The following PARVA variants were observed in gnomAD, a reference collection of about 807,000 sequenced individuals.
The protein encoded by PARVA is alpha-parvin.
In PARVA, 25 loss-of-function variants were observed where a neutral mutation model predicts 52.6. The observed-to-expected ratio is 0.48, with a 90% CI of 0.35 to 0.66. The LOEUF (loss-of-function observed/expected upper bound fraction) is 0.66, where lower values mean the gene tolerates loss of function less well. Ranked by LOEUF, PARVA falls within the 30% of genes least tolerant of loss-of-function variation. The pLI, the probability that PARVA is intolerant of heterozygous loss-of-function variation, is 0.01. For synonymous variants in PARVA, 185 were observed against 179.1 expected, an observed-to-expected ratio of 1.03 and a Z score of -0.26; for missense variants, 373 against 450.9, an observed-to-expected ratio of 0.83 and a Z score of 1.56.
At chr11:12,388,247 A>T (rs887188671) in intron 1 of PARVA, among the ~76,000 whole-genome samples, 1 of 152,218 alleles carries the variant, frequency 6.6e-6, no homozygotes, top group African/African-American at 2.4e-5. Flanking sequence ...CAGGCCTGGG[A>T]CAAATGTTAG....
intron 7 of PARVA, among the ~76,000 whole-genome samples, chr11:12,510,517 G>A (rs571835985): frequency 1.3e-5 from 2 of 152,292 alleles, no homozygotes; most frequent in African/African-American, 2.4e-5. Flanking sequence ...CAAAGTCACT[G>A]TATGAGTTTT....
chr11:12,395,604 G>C (rs1345802128), intron 1 of PARVA, among the ~76,000 whole-genome samples: 1 of 152,226 alleles, frequency 6.6e-6, no homozygotes, highest in African/African-American at 2.4e-5. Flanking sequence ...TGCTTGAAAG[G>C]TACGGTGCGG....
intron 10 of PARVA, among the ~76,000 whole-genome samples, chr11:12,514,442 G>T (rs933567575): frequency 2.0e-5 from 3 of 152,182 alleles, no homozygotes; most frequent in African/African-American, 7.2e-5. Flanking sequence ...AATCTGTTTA[G>T]ATTGAATCAT....
chr11:12,511,501 C>CT lies in PARVA; in HGVS notation c.717-8dup. 2.5e-6 allele frequency: 4 copies of CT among 1,612,416 alleles called. No homozygotes were observed. The highest frequency in any genetic ancestry group is 3.4e-6 in the Non-Finnish European group (4 of 1,179,238). On this transcript the variant is annotated splice_polypyrimidine_tract_variant and intron_variant, in intron 7 of 12. Transcript: ENST00000334956. ...AGAAGAGTCACACTATTTTCTTTCT[C>CT]TTTTTCCTCCAGGGCTCTTTCCGGG...
chr11:12,473,890 C>T (rs754341402), intron 2 of PARVA, 23 bp from the exon 3 acceptor site: 2 of 1,566,248 alleles, frequency 1.3e-6, no homozygotes, highest in South Asian at 1.2e-5. Flanking sequence ...AGCACCCCCA[C>T]TGAATTCCTT....
chr11:12,415,400 A>G (rs759679222), intron 1 of PARVA, among the ~76,000 whole-genome samples: 2 of 152,168 alleles, frequency 1.3e-5, no homozygotes, highest in African/African-American at 4.8e-5. Flanking sequence ...TTTAAGACAT[A>G]CCAACCACTT....
At chr11:12,438,259 C>CAAA (rs1222652970) in intron 1 of PARVA, among the ~76,000 whole-genome samples, 1 of 100,508 alleles carries the variant, frequency 9.9e-6, no homozygotes, top group Non-Finnish European at 2.1e-5. Flanking sequence ...GACTGCATCT[C>CAAA]AAAAAAAAAA....
At chr11:12,379,604 A>G (rs1336927727) in intron 1 of PARVA, among the ~76,000 whole-genome samples, 2 of 151,264 alleles carry the variant, frequency 1.3e-5, no homozygotes, top group Non-Finnish European at 2.9e-5. Flanking sequence ...TGCTCCATGA[A>G]TTAGAAATAA....
rs11022333 is a variant in PARVA at position 12,383,893 on chromosome 11, G to A, written c.136+6110G>A. ...CAAACCTGCATTGTTCAAGGGGCAC[G>A]CCTTGAACAATGGCACCCATGTTGT... On this transcript the variant is annotated intron_variant, in intron 1 of 12. Coordinates refer to ENST00000334956, the MANE Select transcript of PARVA (RefSeq NM_018222.5). Among the ~76,000 whole-genome samples, 11 of 152,116 alleles carry A rather than the reference G, an allele frequency of 7.2e-5. No individual in the cohort carries two copies. In the South Asian group the frequency reaches 1.7e-3, roughly 23 times the overall value.
chr11:12,472,581 C>G (rs1022614387), intron 1 of PARVA, among the ~76,000 whole-genome samples: 3 of 152,148 alleles, frequency 2.0e-5, no homozygotes, highest in Admixed American at 2.0e-4. Flanking sequence ...AGTCCAACTG[C>G]AGCTATCAGT....
At chr11:12,393,774 G>A (rs971963542) in intron 1 of PARVA, among the ~76,000 whole-genome samples, 1 of 151,880 alleles carries the variant, frequency 6.6e-6, no homozygotes, top group Non-Finnish European at 1.5e-5. Context: ...GCAAACACAT[G>A]TTTCATTTTG....
chr11:12,473,999 G>A lies in PARVA; in HGVS notation c.297+16G>A, dbSNP rs374636389. On this transcript the variant is annotated intron_variant, in intron 3 of 12. Coordinates refer to ENST00000334956, the MANE Select transcript of PARVA (RefSeq NM_018222.5). ...ACTGATGAAGGTAAGAAGAAATCAG[G>A]AGCGGCTTCAGGTGCCTCACTGACC... is the stretch of plus-strand genomic sequence containing the variant. 460 of 1,560,744 alleles carry A rather than the reference G, an allele frequency of 2.9e-4. 4 individuals are homozygous for A. The highest frequency in any genetic ancestry group is 3.3e-4 in the Middle Eastern group (2 of 6,026).
chr11:12,527,291 T>A (rs1941715526), intron 12 of PARVA, among the ~76,000 whole-genome samples: 1 of 150,788 alleles, frequency 6.6e-6, no homozygotes, highest in Non-Finnish European at 1.5e-5. Context: ...GATGGGAGGA[T>A]CAGAGGAAAG....
chr11:12,416,317 G>T (rs1940066704), intron 1 of PARVA, among the ~76,000 whole-genome samples: 1 of 152,180 alleles, frequency 6.6e-6, no homozygotes, highest in South Asian at 2.1e-4. Flanking sequence ...CTTTCATCCA[G>T]TTCCACCTCA....
intron 1 of PARVA, among the ~76,000 whole-genome samples, chr11:12,415,025 C>A (rs1940045098): frequency 1.3e-5 from 2 of 152,220 alleles, no homozygotes. Flanking sequence ...AGGAACCAGC[C>A]TGGGCACTGG....
At chr11:12,455,289 A>G (rs1940680010) in intron 1 of PARVA, among the ~76,000 whole-genome samples, 1 of 152,214 alleles carries the variant, frequency 6.6e-6, no homozygotes, top group African/African-American at 2.4e-5. Flanking sequence ...TTCATTAAAC[A>G]TTTCCTCATT....
chr11:12,392,238 T>C (rs1229614123), intron 1 of PARVA, among the ~76,000 whole-genome samples: 7 of 151,998 alleles, frequency 4.6e-5, no homozygotes, highest in Non-Finnish European at 7.4e-5. Context: ...GTTTCATCTA[T>C]GTTGTAGCAT....
chr11:12,463,198 CTT>C (rs1465150418), intron 1 of PARVA, among the ~76,000 whole-genome samples: 1 of 151,920 alleles, frequency 6.6e-6, no homozygotes, highest in Non-Finnish European at 1.5e-5. Flanking sequence ...TTATTACTAA[CTT>C]ACAGTTAGTG....
chr11:12,421,731 T>G (rs368169459), intron 1 of PARVA, among the ~76,000 whole-genome samples: 2 of 152,242 alleles, frequency 1.3e-5, no homozygotes, highest in African/African-American at 4.8e-5. Context: ...GCCTTAATTC[T>G]TGAATTGCAA....
Sources: allele counts gnomAD v4.1 joint callset (sites outside exome capture counted in the v4.1 genomes callset), GRCh38; gene constraint gnomAD v4.1.1; transcripts MANE v1.5; gene names NCBI Gene and HGNC (gene_info 2026-07-23, HGNC 2026-07-21).